Variants in STXBP5 observed in about 807,000 individuals in gnomAD.
The protein encoded by STXBP5 is syntaxin-binding protein 5.
Under a neutral mutation model 152.4 loss-of-function variants are expected in STXBP5, and 50 were observed. That is an observed-to-expected ratio of 0.33 (90% CI 0.26 to 0.42). The LOEUF is 0.42. Ranked by LOEUF, STXBP5 falls within the 10% of genes least tolerant of loss-of-function variation. STXBP5 has a pLI of 1.00. For missense variants in STXBP5, 1,167 were observed against 1,388.6 expected (o/e 0.84, Z 2.54); for synonymous variants, 492 against 494.7 (o/e 0.99, Z 0.07).
intron 4 of STXBP5, among the ~76,000 whole-genome samples, chr6:147,248,417 G>A (rs189117817): frequency 6.6e-6 from 1 of 152,172 alleles, no homozygotes; most frequent in East Asian, 1.9e-4. Flanking sequence ...TGATTTTAGA[G>A]GTTTATATGA....
chr6:147,319,245 A>G (rs928949128), intron 16 of STXBP5, among the ~76,000 whole-genome samples: 3 of 152,132 alleles, frequency 2.0e-5, no homozygotes, highest in Admixed American at 1.3e-4. Context: ...TTACATTACT[A>G]TATAATGTAA....
At chr6:147,216,577 C>T (rs542929828) in intron 2 of STXBP5, among the ~76,000 whole-genome samples, 15 of 152,244 alleles carry the variant, frequency 9.9e-5, no homozygotes, top group Admixed American at 2.6e-4. Flanking sequence ...ACTGACCACT[C>T]TTTGCATTAT....
rs138531638 is a variant in STXBP5 at position 147,277,404 on chromosome 6, G to C, written c.715-677G>C. On this transcript the variant is annotated intron_variant, in intron 7 of 27. Coordinates refer to ENST00000321680, the MANE Select transcript of STXBP5 (RefSeq NM_001127715.4). ...AATAATTCAAAGGACGCATGGGAGA[G>C]TGATTTAAAAAGTTTTTTTTACATA... Among the ~76,000 whole-genome samples, 749 of 152,178 alleles carry C rather than the reference G, an allele frequency of 4.9e-3. 4 individuals are homozygous for C. The highest frequency in any genetic ancestry group is 0.017 in the African/African-American group (698 of 41,550).
intron 22 of STXBP5, among the ~76,000 whole-genome samples, chr6:147,355,797 T>C (rs1199014620): frequency 1.3e-5 from 2 of 152,182 alleles, no homozygotes; most frequent in African/African-American, 4.8e-5. Context: ...CCTTGCTTAG[T>C]GTTAGTTATT....
chr6:147,229,337 A>C (rs1777882081), intron 2 of STXBP5, among the ~76,000 whole-genome samples: 1 of 151,880 alleles, frequency 6.6e-6, no homozygotes, highest in Non-Finnish European at 1.5e-5. Flanking sequence ...TCATTCATAC[A>C]AGCTAATTCT....
At chr6:147,305,799 A>G (rs1440817061) in intron 9 of STXBP5, among the ~76,000 whole-genome samples, 3 of 152,202 alleles carry the variant, frequency 2.0e-5, no homozygotes, top group Non-Finnish European at 1.5e-5. Context: ...AAGTTTAGGT[A>G]TTAGTTACCA....
At position 147,316,368 on chromosome 6, in the gene STXBP5, G is replaced by T; in HGVS notation, c.1763G>T (p.Ser588Ile). 1 of 1,585,882 alleles carries T rather than the reference G, an allele frequency of 6.3e-7. No homozygotes were observed. The highest frequency in any genetic ancestry group is 8.6e-7 in the Non-Finnish European group (1 of 1,169,446). ...CAGTCTCATCCATCTACCAGTAGCAGTTCATCTGATGGGCTTCGTGATAAT... is the reference window on the plus strand; with the variant it reads ...CAGTCTCATCCATCTACCAGTAGCATTTCATCTGATGGGCTTCGTGATAAT... ...PPQSHPSTSSSSSDGLRDNVP... is the reference protein window; with the variant it reads ...PPQSHPSTSSISSDGLRDNVP... Residue 588 changes from serine (S) to isoleucine (I), a missense_variant, in exon 16 of 28, where the codon AGT (serine) becomes ATT (isoleucine). Physicochemically the swap from Ser to Ile is moderately radical, Grantham distance 142 (BLOSUM62 -2). This residue lies in a region of STXBP5 where 833 missense variants were observed against 986.3 expected (regional missense o/e 0.84). Transcript: ENST00000321680.
chr6:147,345,743 AC>A (rs1487846070), intron 21 of STXBP5, among the ~76,000 whole-genome samples: 1 of 152,208 alleles, frequency 6.6e-6, no homozygotes, highest in East Asian at 1.9e-4. Flanking sequence ...AAAGATGTGG[AC>A]ACAGTGGGTA....
chr6:147,252,818 T>C (rs987081614), intron 4 of STXBP5, among the ~76,000 whole-genome samples: 1 of 152,082 alleles, frequency 6.6e-6, no homozygotes, highest in African/African-American at 2.4e-5. Context: ...CAGTAATTAA[T>C]AGCCTACCAA....
In STXBP5 at chr6:147,373,845, A is replaced by G; in HGVS notation, c.3193+3A>G. The G allele has an allele frequency of 5.6e-6, 9 of 1,601,908 alleles. No homozygotes were observed. Among genetic ancestry groups the G allele is most frequent in the Non-Finnish European group, 7.7e-6 (9 of 1,170,044 alleles). On this transcript the variant is annotated splice_donor_region_variant and intron_variant, in intron 26 of 27. Transcript: ENST00000321680. Reference sequence around the variant, plus strand: ...ATCTCTTGACAGAGAAGAACTATGTAAGTTGATTTATTTAATTCGGATAAT... The same window carrying G: ...ATCTCTTGACAGAGAAGAACTATGTGAGTTGATTTATTTAATTCGGATAAT...
chr6:147,213,996 A>AT (rs1216009936), intron 2 of STXBP5, among the ~76,000 whole-genome samples: 1 of 152,210 alleles, frequency 6.6e-6, no homozygotes, highest in African/African-American at 2.4e-5. Flanking sequence ...TCATAAAACT[A>AT]TAATAATAAA....
intron 8 of STXBP5, among the ~76,000 whole-genome samples, chr6:147,286,122 T>G (rs866884618): frequency 1.4e-4 from 22 of 152,316 alleles, no homozygotes; most frequent in Middle Eastern, 3.4e-3. Context: ...TTTTCAGATT[T>G]AAGCCTCCTT....
intron 11 of STXBP5, among the ~76,000 whole-genome samples, chr6:147,312,614 A>G (rs538735965): frequency 6.6e-6 from 1 of 152,254 alleles, no homozygotes; most frequent in South Asian, 2.1e-4. Context: ...ACAGTTCCCT[A>G]CAGTAGAACA....
chr6:147,273,949 CAA>C (rs796458350), intron 7 of STXBP5, among the ~76,000 whole-genome samples: 38 of 84,582 alleles, frequency 4.5e-4, no homozygotes, highest in Admixed American at 4.0e-4. Flanking sequence ...GAGACTCTGG[CAA>C]AAAAAAAAAA....
At chr6:147,299,763 G>A (rs1158098000) in intron 9 of STXBP5, among the ~76,000 whole-genome samples, 1 of 151,966 alleles carries the variant, frequency 6.6e-6, no homozygotes, top group Non-Finnish European at 1.5e-5. Flanking sequence ...TTCATCCTAG[G>A]GAATTTCTTG....
chr6:147,341,399 C>T (rs1471075100), intron 21 of STXBP5, among the ~76,000 whole-genome samples: 2 of 152,116 alleles, frequency 1.3e-5, no homozygotes, highest in African/African-American at 2.4e-5. Context: ...GCATTCTGAA[C>T]TCACCGTATC....
At chr6:147,252,997 G>T (rs1779175277) in intron 4 of STXBP5, among the ~76,000 whole-genome samples, 7 of 152,048 alleles carry the variant, frequency 4.6e-5, no homozygotes, top group Admixed American at 3.3e-4. Context: ...ACCTTTCAGA[G>T]ACACAACAAA....
chr6:147,227,038 C>T (rs1486426813), intron 2 of STXBP5, among the ~76,000 whole-genome samples: 1 of 151,980 alleles, frequency 6.6e-6, no homozygotes, highest in South Asian at 2.1e-4. Context: ...TAGAAAGAAA[C>T]CAGTGGTTAT....
chr6:147,372,231 G>T (rs1785574016), intron 25 of STXBP5, among the ~76,000 whole-genome samples: 1 of 151,804 alleles, frequency 6.6e-6, no homozygotes, highest in Non-Finnish European at 1.5e-5. Context: ...TCTGGGTGGA[G>T]GGATAATGTT....
Sources: allele counts gnomAD v4.1 joint callset (sites outside exome capture counted in the v4.1 genomes callset), GRCh38; gene constraint gnomAD v4.1.1; regional missense constraint gnomAD v4.1.1; transcripts MANE v1.5; gene names NCBI Gene and HGNC (gene_info 2026-07-23, HGNC 2026-07-21).